The following ABCB10 variants were observed in gnomAD, a reference collection of about 807,000 sequenced individuals.
The protein encoded by ABCB10 is ATP-binding cassette sub-family B member 10, mitochondrial.
ABCB10 carries 54 observed loss-of-function variants against 65.4 expected under a neutral mutation model. That is an observed-to-expected ratio of 0.83 (90% CI 0.66 to 1.04). ABCB10 has a LOEUF of 1.04. ABCB10 is among the 50% of genes least tolerant of loss of function. ABCB10 has a pLI of 0.00. For synonymous variants in ABCB10, 418 were observed against 406.5 expected, an observed-to-expected ratio of 1.03 and a Z score of -0.34; for missense variants, 846 against 976.6, an observed-to-expected ratio of 0.87 and a Z score of 1.78.
intron 2 of ABCB10, among the ~76,000 whole-genome samples, chr1:229,548,231 T>A (rs1056151515): frequency 2.6e-5 from 4 of 152,108 alleles, no homozygotes; most frequent in Non-Finnish European, 5.9e-5. Context: ...CTCAAACTCA[T>A]GGGCTCAAGC....
Position 229,518,157 on chromosome 1 carries a change from T to C in ABCB10, c.*22A>G. On this transcript the variant is annotated 3_prime_UTR_variant, in exon 13 of 13. Transcript: ENST00000344517. ...CACTGTTTTGCATTAAAGTCTCATA[T>C]TGTTTACCAGTAATTGCTTCCTTAT... 2.5e-6 allele frequency: 4 copies of C among 1,570,214 alleles called. No individual in the cohort carries two copies. Among genetic ancestry groups the C allele is most frequent in the South Asian group, 1.1e-5 (1 of 89,922 alleles).
chr1:229,528,994 C>A (rs1662506417), intron 8 of ABCB10, among the ~76,000 whole-genome samples: 1 of 152,038 alleles, frequency 6.6e-6, no homozygotes, highest in Non-Finnish European at 1.5e-5. Context: ...GAAAAATCAT[C>A]CATTAAGAAA....
chr1:229,524,629 T>A (rs1248530967), intron 10 of ABCB10, among the ~76,000 whole-genome samples: 1 of 152,200 alleles, frequency 6.6e-6, no homozygotes, highest in Admixed American at 6.5e-5. Flanking sequence ...AACCATAATG[T>A]GATCCAGAAT....
intron 9 of ABCB10, 51 bp from the exon 10 acceptor site, chr1:229,526,167 T>A (rs776123169): frequency 6.5e-7 from 1 of 1,544,560 alleles, no homozygotes; most frequent in Non-Finnish European, 8.8e-7. Flanking sequence ...ACTTAAAACA[T>A]GTCTAATAAA....
At chr1:229,538,029 C>T (rs1662761278) in intron 6 of ABCB10, among the ~76,000 whole-genome samples, 1 of 152,164 alleles carries the variant, frequency 6.6e-6, no homozygotes, top group Non-Finnish European at 1.5e-5. Flanking sequence ...AGATCCTGAA[C>T]AAGACAGTTG....
intron 6 of ABCB10, chr1:229,531,947 GTTT>G (rs34289048): frequency 3.8e-3 from 506 of 132,476 alleles, no homozygotes; most frequent in South Asian, 0.011. Flanking sequence ...CAGTTTCATA[GTTT>G]TTTTTTTTTT....
chr1:229,558,001 G>A, intron 1 of ABCB10, 135 bp downstream of exon 1: 5 of 963,782 alleles, frequency 5.2e-6, no homozygotes, highest in Non-Finnish European at 6.7e-6. Context: ...TCCCTCCTCC[G>A]GGGTTAGGAG....
Position 229,539,521 on chromosome 1 carries a change from T to C in ABCB10, c.1274A>G (p.His425Arg). The C allele has an allele frequency of 1.9e-6, 3 of 1,614,078 alleles. No individual in the cohort carries two copies. The highest frequency in any genetic ancestry group is 2.7e-5 in the African/African-American group (2 of 75,044). ...YKGGLLMGSA[H>R]MTVGELSSFL... ...GGAAGAGAGTTCACCCACGGTCATG[T>C]GGGCACTGCCCATCAGCAGCCCTCC... The change falls in exon 6 of 13, where the codon CAC becomes CGC. Residue 425 changes from histidine (H) to arginine (R), a missense_variant. Physicochemically the swap from His to Arg is conservative, Grantham distance 29. Around this residue, in one of 2 missense-constraint regions of ABCB10, gnomAD observed 632 missense variants for 803.2 expected, o/e 0.79. Coordinates refer to ENST00000344517, the MANE Select transcript of ABCB10 (RefSeq NM_012089.3).
chr1:229,530,770 T>C (rs1662566060), intron 7 of ABCB10, among the ~76,000 whole-genome samples: 1 of 152,232 alleles, frequency 6.6e-6, no homozygotes, highest in Admixed American at 6.5e-5. Context: ...TGGTTTCAAA[T>C]CCGATGGCCT....
At position 229,517,423 on chromosome 1, in the gene ABCB10, C is replaced by T. The variant is rs141284292; in HGVS notation, c.*756G>A. 3 of 152,324 alleles carry T rather than the reference C, an allele frequency of 2.0e-5. No individual in the cohort carries two copies. Among genetic ancestry groups the T allele is most frequent in the East Asian group, 3.9e-4 (2 of 5,192 alleles). The allele number at this position is 152,324 out of a possible 1,614,324, so 9.4% of individuals were successfully genotyped here. On this transcript the variant is annotated 3_prime_UTR_variant, in exon 13 of 13. Coordinates refer to ENST00000344517, the MANE Select transcript of ABCB10 (RefSeq NM_012089.3). The stretch of plus-strand genomic sequence containing the variant: ...ATCATTCATTCTTAATAATACCTAG[C>T]AGTTCATGCCTTGCTTCGCAAAAGT...
chr1:229,547,763 A>G (rs1571976232), intron 2 of ABCB10, 62 bp from the exon 3 acceptor site: 1 of 1,543,168 alleles, frequency 6.5e-7, no homozygotes, highest in East Asian at 2.2e-5. Context: ...ATTATGGGGC[A>G]GCCACTTACT....
At chr1:229,542,481 G>A in intron 3 of ABCB10, 110 bp from the exon 4 acceptor site, 1 of 1,278,888 alleles carries the variant, frequency 7.8e-7, no homozygotes, top group Non-Finnish European at 1.1e-6. Flanking sequence ...GTGTGTGTGT[G>A]TTTAAATTAA....
Position 229,542,440 on chromosome 1 carries a change from G to A in ABCB10, c.922-69C>T, listed in dbSNP as rs1026253521. On this transcript the variant is annotated intron_variant, in intron 3 of 12. Coordinates refer to ENST00000344517, the MANE Select transcript of ABCB10 (RefSeq NM_012089.3). ...GTGGCAAGACATTCTCATTACCTACGAAAGGGGAGTGTGTGTGTGGGTGTG... is the reference window on the plus strand; with the variant it reads ...GTGGCAAGACATTCTCATTACCTACAAAAGGGGAGTGTGTGTGTGGGTGTG... 1.0e-5 allele frequency: 16 copies of A among 1,549,358 alleles called. No individual in the cohort carries two copies. The South Asian group carries it at 1.1e-4, about 11-fold the overall frequency.
At chr1:229,554,017 G>C (rs1285317167) in intron 1 of ABCB10, among the ~76,000 whole-genome samples, 1 of 152,212 alleles carries the variant, frequency 6.6e-6, no homozygotes, top group African/African-American at 2.4e-5. Context: ...CCAAGGCCAA[G>C]AGGTTCGCAC....
At chr1:229,525,772 C>A (rs970190919) in intron 10 of ABCB10, among the ~76,000 whole-genome samples, 164 bp downstream of exon 10, 1 of 152,126 alleles carries the variant, frequency 6.6e-6, no homozygotes. Context: ...GAGGAGCTTG[C>A]AGAGAGCCGA....
At chr1:229,539,359 GAAGTT>G (rs1272589468) in intron 6 of ABCB10, 92 bp downstream of exon 6, 8 of 1,491,620 alleles carry the variant, frequency 5.4e-6, no homozygotes, top group African/African-American at 1.4e-5. Context: ...TTTTTCAGTG[GAAGTT>G]AATTGAAGTA....
intron 4 of ABCB10, 46 bp downstream of exon 4, chr1:229,542,191 T>TG: frequency 6.2e-7 from 1 of 1,603,196 alleles, no homozygotes; most frequent in Non-Finnish European, 8.5e-7. Flanking sequence ...ATCCTGGCTA[T>TG]GACCCCATTC....
At chr1:229,537,944 T>A (rs1038538545) in intron 6 of ABCB10, among the ~76,000 whole-genome samples, 13 of 152,202 alleles carry the variant, frequency 8.5e-5, no homozygotes, top group African/African-American at 2.9e-4. Context: ...ATGTTATAAA[T>A]GTGGAAGAAC....
chr1:229,523,836 C>T (rs1254711626), intron 10 of ABCB10, among the ~76,000 whole-genome samples: 3 of 152,112 alleles, frequency 2.0e-5, no homozygotes, highest in African/African-American at 2.4e-5. Flanking sequence ...ATAATTTCAC[C>T]ACGAGCAGTT....
Sources: allele counts gnomAD v4.1 joint callset (sites outside exome capture counted in the v4.1 genomes callset), GRCh38; gene constraint gnomAD v4.1.1; regional missense constraint gnomAD v4.1.1; transcripts MANE v1.5; gene names NCBI Gene and HGNC (gene_info 2026-07-23, HGNC 2026-07-21).